The following HHAT variants were observed in gnomAD, a reference collection of about 807,000 sequenced individuals.
HHAT encodes hedgehog acyltransferase.
In HHAT, 47 loss-of-function variants were observed where a neutral mutation model predicts 70.8. That is an observed-to-expected ratio of 0.66 (90% CI 0.53 to 0.85). The LOEUF is 0.85. Ranked by LOEUF, HHAT falls within the 40% of genes least tolerant of loss-of-function variation. The probability of loss-of-function intolerance (pLI) is 0.00; values close to 1 mark genes in which losing one functional copy is unlikely to be tolerated. For missense variants in HHAT, 609 were observed against 604.8 expected (o/e 1.01, Z -0.07); for synonymous variants, 228 against 247.6 (o/e 0.92, Z 0.74).
At chr1:210,604,579 T>C (rs1478037458) in intron 10 of HHAT, among the ~76,000 whole-genome samples, 5 of 152,224 alleles carry the variant, frequency 3.3e-5, no homozygotes, top group African/African-American at 7.2e-5. Flanking sequence ...ACATAGTCTC[T>C]TATTTTTGCT....
chr1:210,549,784 C>T (rs1158947578), intron 9 of HHAT, among the ~76,000 whole-genome samples: 6 of 148,734 alleles, frequency 4.0e-5, no homozygotes, highest in Admixed American at 1.4e-4. Context: ...GGCTTGAGCC[C>T]GGGAGTTTAA....
At chr1:210,448,889 G>T (rs3765845) in intron 7 of HHAT, among the ~76,000 whole-genome samples, 52,467 of 151,836 alleles carry the variant, frequency 0.35, 9,451 homozygotes, top group South Asian at 0.48. Context: ...GCTCAGTGCT[G>T]TCCTGAGACA....
rs57190952 is a variant in HHAT, at chr1:210,644,602, C to CAA, written c.1390+20956_1390+20957dup. ...TGAGTGACAAAGCAAGACTCCATCT[C>CAA]AAAAAAAAAAAAAAAAAAAAAAAAA... is the stretch of plus-strand genomic sequence containing the variant. On this transcript the variant is annotated intron_variant, in intron 11 of 11. Coordinates refer to ENST00000261458, the MANE Select transcript of HHAT (RefSeq NM_018194.6). 5.1e-3 allele frequency among the ~76,000 whole-genome samples: 326 copies of CAA among 63,810 alleles called. 6 individuals carry two copies. Among genetic ancestry groups the CAA allele is most frequent in the East Asian group, 0.012 (18 of 1,544 alleles). 41.9% of individuals were successfully genotyped at this position (63,810 alleles called of 152,430 possible).
intron 8 of HHAT, among the ~76,000 whole-genome samples, chr1:210,494,408 G>A (rs1372241057): frequency 2.0e-5 from 3 of 152,124 alleles, no homozygotes; most frequent in South Asian, 2.1e-4. Context: ...GGATGTCAGC[G>A]TTACAGAGTC....
Position 210,404,511 on chromosome 1 carries a change from G to T in HHAT, c.516G>T (p.Thr172=), listed in dbSNP as rs111463628. 5.6e-6 allele frequency: 9 copies of T among 1,613,200 alleles called. No individual in the cohort carries two copies. The highest frequency in any genetic ancestry group is 2.2e-5 in the South Asian group (2 of 91,042). ...ACGAGTACTACCTGCTGCAGTTCACGCTGACCGTTCGCTGCCTGTACTACA... is the reference window on the plus strand; with the variant it reads ...ACGAGTACTACCTGCTGCAGTTCACTCTGACCGTTCGCTGCCTGTACTACA... The part of the protein sequence containing the change: ...TENEYYLLQF[T]LTVRCLYYTS... The change falls in exon 6 of 12, where the codon ACG becomes ACT. Residue 172 remains threonine, a synonymous_variant. Coordinates refer to ENST00000261458, the MANE Select transcript of HHAT (RefSeq NM_018194.6).
intron 4 of HHAT, among the ~76,000 whole-genome samples, chr1:210,396,385 C>T (rs6693338): frequency 0.61 from 92,121 of 151,974 alleles, 28,376 homozygotes; most frequent in African/African-American, 0.68. Flanking sequence ...AAAACCACAA[C>T]GAGATGTCAT....
intron 1 of HHAT, among the ~76,000 whole-genome samples, chr1:210,336,334 C>T (rs1292065725): frequency 2.4e-5 from 3 of 122,516 alleles, no homozygotes; most frequent in Non-Finnish European, 3.5e-5. Flanking sequence ...TACCATGTTG[C>T]CCAGGCTGGT....
rs115393288 is a variant in HHAT at position 210,482,409 on chromosome 1, A to G, written c.1007+17754A>G. Among the ~76,000 whole-genome samples, 760 of 152,314 alleles carry G rather than the reference A, an allele frequency of 5.0e-3. 9 individuals carry two copies. Among genetic ancestry groups the G allele is most frequent in the Non-Finnish European group, 7.8e-3 (529 of 68,022 alleles). ...TTGAAGCTTTAGTTTCTCTAACGCAATTTTGTACTTTGCATTATTAGCCTT... is the reference window on the plus strand; with the variant it reads ...TTGAAGCTTTAGTTTCTCTAACGCAGTTTTGTACTTTGCATTATTAGCCTT... On this transcript the variant is annotated intron_variant, in intron 8 of 11. Coordinates refer to ENST00000261458, the MANE Select transcript of HHAT (RefSeq NM_018194.6).
Position 210,469,636 on chromosome 1 carries a change from T to C in HHAT, c.1007+4981T>C, listed in dbSNP as rs143550086. On this transcript the variant is annotated intron_variant, in intron 8 of 11. Transcript: ENST00000261458. Reference sequence around the variant, plus strand: ...TTATATAAATAATGATTAATAATCATTACAAATAGAGTAAAATTTATGCCA... The same window carrying C: ...TTATATAAATAATGATTAATAATCACTACAAATAGAGTAAAATTTATGCCA... Among the ~76,000 whole-genome samples the C allele has an allele frequency of 3.7e-3, 568 of 152,286 alleles. 1 individual carries two copies. Among genetic ancestry groups the C allele is most frequent in the African/African-American group, 9.9e-3 (410 of 41,558 alleles).
intron 6 of HHAT, among the ~76,000 whole-genome samples, chr1:210,416,102 G>T (rs376421203): frequency 6.6e-5 from 10 of 152,312 alleles, no homozygotes; most frequent in African/African-American, 2.4e-4. Context: ...TCTTGTTGCG[G>T]GAGGACAGTT....
intron 11 of HHAT, among the ~76,000 whole-genome samples, chr1:210,652,714 G>C (rs1431395751): frequency 6.6e-6 from 1 of 152,182 alleles, no homozygotes; most frequent in Non-Finnish European, 1.5e-5. Flanking sequence ...AATGGGGAAA[G>C]GGTACAGAGA....
rs143880218 is a variant in HHAT at position 210,354,315 on chromosome 1, A to G, written c.91+5249A>G. Reference sequence around the variant, plus strand: ...TGCCTCCTGGATTCAAGCAATTCTCATGCCTCTGCTTCCTGAGTAGCTGGG... The same window carrying G: ...TGCCTCCTGGATTCAAGCAATTCTCGTGCCTCTGCTTCCTGAGTAGCTGGG... On this transcript the variant is annotated intron_variant, in intron 2 of 11. Coordinates refer to ENST00000261458, the MANE Select transcript of HHAT (RefSeq NM_018194.6). Among the ~76,000 whole-genome samples the G allele has an allele frequency of 3.0e-4, 43 of 145,512 alleles. 1 individual carries two copies. The East Asian group carries it at 7.6e-3, about 26-fold the overall frequency.
chr1:210,329,729 G>C lies in HHAT; in HGVS notation c.-44+625G>C, dbSNP rs653935. Among the ~76,000 whole-genome samples the C allele has an allele frequency of 3.9e-5, 6 of 152,256 alleles. No individual in the cohort carries two copies. In the East Asian group the frequency reaches 1.2e-3, roughly 29 times the overall value. ...TTGCATTACGTGGGAGTGAGACATT[G>C]CTTCTCTTTCTGTTTTTGTTGTTGT... On this transcript the variant is annotated intron_variant, in intron 1 of 11. Coordinates refer to ENST00000261458, the MANE Select transcript of HHAT (RefSeq NM_018194.6).
chr1:210,630,850 C>G (rs77101751), intron 11 of HHAT: 2 of 354,664 alleles, frequency 5.6e-6, no homozygotes, highest in Non-Finnish European at 1.1e-5. Context: ...GCTGAGCCCT[C>G]TCGTCTTCCT....
At chr1:210,489,535 T>C (rs1398753440) in intron 8 of HHAT, among the ~76,000 whole-genome samples, 1 of 152,232 alleles carries the variant, frequency 6.6e-6, no homozygotes, top group Non-Finnish European at 1.5e-5. Context: ...CCCCACGTTG[T>C]TATTATTTTT....
intron 9 of HHAT, among the ~76,000 whole-genome samples, chr1:210,537,827 A>G (rs576863552): frequency 1.3e-5 from 2 of 152,374 alleles, no homozygotes; most frequent in South Asian, 2.1e-4. Context: ...AGTGAAAAGC[A>G]ATAAACTGTT....
intron 9 of HHAT, among the ~76,000 whole-genome samples, chr1:210,565,172 A>G (rs1654374106): frequency 1.3e-5 from 2 of 152,200 alleles, no homozygotes; most frequent in Admixed American, 6.5e-5. Context: ...CTATGGGAGA[A>G]GGGACAAATC....
intron 9 of HHAT, among the ~76,000 whole-genome samples, chr1:210,532,030 C>G (rs2095320316): frequency 6.6e-6 from 1 of 152,164 alleles, no homozygotes; most frequent in Admixed American, 6.5e-5. Flanking sequence ...CTGGTTTCAG[C>G]TGTGAAAAGG....
At chr1:210,540,163 C>G (rs970350079) in intron 9 of HHAT, among the ~76,000 whole-genome samples, 9 of 151,844 alleles carry the variant, frequency 5.9e-5, no homozygotes, top group African/African-American at 1.9e-4. Context: ...TTCTTTTTCA[C>G]AATAGCATCT....
Sources: allele counts gnomAD v4.1 joint callset (sites outside exome capture counted in the v4.1 genomes callset), GRCh38; gene constraint gnomAD v4.1.1; transcripts MANE v1.5; gene names NCBI Gene and HGNC (gene_info 2026-07-23, HGNC 2026-07-21).